Variants in STRBP observed in about 807,000 individuals in gnomAD.
The protein encoded by STRBP is spermatid perinuclear RNA-binding protein.
In STRBP, 13 loss-of-function variants were observed where a neutral mutation model predicts 80.1. The ratio of observed to expected loss-of-function variants is 0.16; its 90% CI spans 0.11 to 0.26. The LOEUF (loss-of-function observed/expected upper bound fraction) is 0.26. STRBP is among the 10% of genes least tolerant of loss of function. The pLI, the probability that STRBP is intolerant of heterozygous loss-of-function variation, is 1.00. For synonymous variants in STRBP, 284 were observed against 291.2 expected, an observed-to-expected ratio of 0.98 and a Z score of 0.25; for missense variants, 485 against 815.2, an observed-to-expected ratio of 0.59 and a Z score of 4.93.
At chr9:123,162,412 C>T (rs1038854062) in intron 6 of STRBP, among the ~76,000 whole-genome samples, 1 of 151,894 alleles carries the variant, frequency 6.6e-6, no homozygotes, top group Non-Finnish European at 1.5e-5. Context: ...GATATGGGAT[C>T]TCACTATGTT....
At chr9:123,204,936 A>AG (rs1316550964) in intron 2 of STRBP, among the ~76,000 whole-genome samples, 1 of 150,494 alleles carries the variant, frequency 6.6e-6, no homozygotes, top group East Asian at 2.0e-4. Context: ...AAAAAAAAAA[A>AG]AAAAAGAAAG....
At chr9:123,198,097 A>T (rs2039171817) in intron 2 of STRBP, among the ~76,000 whole-genome samples, 1 of 152,024 alleles carries the variant, frequency 6.6e-6, no homozygotes. Context: ...GGCCATTTAT[A>T]TATTTTCTTT....
chr9:123,226,137 C>T (rs546811251), intron 2 of STRBP, among the ~76,000 whole-genome samples: 2 of 152,210 alleles, frequency 1.3e-5, no homozygotes, highest in African/African-American at 2.4e-5. Flanking sequence ...AGATGCATCT[C>T]GAAAGCACAG....
chr9:123,233,435 T>G (rs2040454810), intron 2 of STRBP, among the ~76,000 whole-genome samples: 1 of 152,190 alleles, frequency 6.6e-6, no homozygotes, highest in Non-Finnish European at 1.5e-5. Flanking sequence ...CAGCTAATTA[T>G]ATGTATGTCA....
chr9:123,237,528 C>A (rs1280129244), intron 1 of STRBP, among the ~76,000 whole-genome samples: 1 of 152,016 alleles, frequency 6.6e-6, no homozygotes, highest in Non-Finnish European at 1.5e-5. Flanking sequence ...TTTCACCTCA[C>A]TTGCTTAAGA....
chr9:123,146,985 T>C lies in STRBP; in HGVS notation c.1208A>G (p.Gln403Arg). The change falls in exon 13 of 19, where the codon CAG becomes CGG. Residue 403 changes from glutamine (Q) to arginine (R), a missense_variant. Physicochemically the swap from Gln to Arg is conservative, Grantham distance 43. Around this residue, in one of 3 missense-constraint regions of STRBP, gnomAD observed 377 missense variants for 616.1 expected, o/e 0.61. Transcript: ENST00000348403. The part of the protein sequence containing the change: ...MRLNQIRPGL[Q>R]YKLLSQSGPV... ...GCCAGACTGAGATAGGAGCTTATAC[T>C]GAAGCCCAGGCCTGATCTGATTTAG... The C allele has an allele frequency of 6.2e-7, 1 of 1,614,138 alleles. No homozygotes were observed. The highest frequency in any genetic ancestry group is 8.5e-7 in the Non-Finnish European group (1 of 1,180,000).
chr9:123,217,124 T>C (rs753591841), intron 2 of STRBP, among the ~76,000 whole-genome samples: 3 of 152,130 alleles, frequency 2.0e-5, no homozygotes, highest in African/African-American at 4.8e-5. Flanking sequence ...GTATTACATA[T>C]AAATACAAAC....
At chr9:123,261,163 C>T (rs1224506031) in intron 1 of STRBP, among the ~76,000 whole-genome samples, 2 of 152,164 alleles carry the variant, frequency 1.3e-5, no homozygotes, top group Non-Finnish European at 2.9e-5. Context: ...ACCCATACTC[C>T]ACCCAGTGCC....
chr9:123,111,796 A>G (rs2132272974), intron 3 of STRBP: 1 of 321,442 alleles, frequency 3.1e-6, no homozygotes, highest in Non-Finnish European at 6.4e-6. Context: ...TCCTTCTTAG[A>G]GCTGTACCAT....
intron 3 of STRBP, among the ~76,000 whole-genome samples, chr9:123,181,207 A>G (rs1400613968): frequency 6.6e-6 from 1 of 152,230 alleles, no homozygotes; most frequent in African/African-American, 2.4e-5. Context: ...CAACTGGTGC[A>G]GTTTGCCACA....
rs542456461 is a variant in STRBP, at chr9:123,158,036, A to G, written c.1021T>C (p.Ser341Pro). Reference sequence around the variant, plus strand: ...CCTTCTTTATCAGTAACTGACCAGGAATACTTCTGAAAAGGCTTACTAGAT... The same window carrying G: ...CCTTCTTTATCAGTAACTGACCAGGGATACTTCTGAAAAGGCTTACTAGAT... ...LPSSKPFQKYSWSVTDKEGAG... is the reference protein window; with the variant it reads ...LPSSKPFQKYPWSVTDKEGAG... Residue 341 changes from serine (S) to proline (P), a missense_variant, in exon 11 of 19, where the codon TCC (serine) becomes CCC (proline). Physicochemically the swap from Ser to Pro is moderately conservative, Grantham distance 74 (BLOSUM62 -1). Around this residue, in one of 3 missense-constraint regions of STRBP, gnomAD observed 377 missense variants for 616.1 expected, o/e 0.61. Coordinates refer to ENST00000348403, the MANE Select transcript of STRBP (RefSeq NM_018387.5). 5.0e-6 allele frequency: 8 copies of G among 1,610,584 alleles called. No individual in the cohort carries two copies. In the South Asian group the frequency reaches 6.6e-5, roughly 13 times the overall value.
chr9:123,225,783 T>C (rs1002115665), intron 2 of STRBP, among the ~76,000 whole-genome samples: 7 of 152,232 alleles, frequency 4.6e-5, no homozygotes, highest in Non-Finnish European at 8.8e-5. Flanking sequence ...CCTAACACCC[T>C]GTTCATAAGT....
At chr9:123,201,951 A>C (rs1302153586) in intron 2 of STRBP, among the ~76,000 whole-genome samples, 1 of 152,166 alleles carries the variant, frequency 6.6e-6, no homozygotes, top group Non-Finnish European at 1.5e-5. Flanking sequence ...ATAACTTTAG[A>C]ATTGTAATAT....
At position 123,124,071 on chromosome 9, in the gene STRBP, G is replaced by A; in HGVS notation, c.*1526C>T. 2.0e-6 allele frequency: 2 copies of A among 985,432 alleles called. No individual in the cohort carries two copies. The highest frequency in any genetic ancestry group is 1.2e-6 in the Non-Finnish European group (1 of 829,930). 61.0% of individuals were successfully genotyped at this position (985,432 alleles called of 1,614,324 possible). A position where few individuals can be genotyped will look rare whatever the true frequency, so the allele number is the denominator to read the frequency against. On this transcript the variant is annotated 3_prime_UTR_variant, in exon 19 of 19. Coordinates refer to ENST00000348403, the MANE Select transcript of STRBP (RefSeq NM_018387.5). ...TCATTGTGTAATATATATCTGAGAAGTGACACTAACATTTGTTGTACATTG... is the reference window on the plus strand; with the variant it reads ...TCATTGTGTAATATATATCTGAGAAATGACACTAACATTTGTTGTACATTG...
At chr9:123,220,140 G>A (rs551625788) in intron 2 of STRBP, among the ~76,000 whole-genome samples, 4 of 152,288 alleles carry the variant, frequency 2.6e-5, no homozygotes, top group African/African-American at 9.6e-5. Flanking sequence ...AAGCATATGG[G>A]TAAATCTAAG....
At chr9:123,160,532 A>C (rs2037480037) in intron 7 of STRBP, 70 bp from the exon 8 acceptor site, 1 of 1,202,198 alleles carries the variant, frequency 8.3e-7, no homozygotes, top group Non-Finnish European at 1.1e-6. Context: ...AGTTCTTTCA[A>C]GTGAATACTA....
intron 18 of STRBP, among the ~76,000 whole-genome samples, chr9:123,127,137 C>G (rs1282184615): frequency 6.6e-6 from 1 of 152,200 alleles, no homozygotes; most frequent in Non-Finnish European, 1.5e-5. Flanking sequence ...AGGATATAAA[C>G]TATTTTAATG....
chr9:123,110,788 T>C lies in STRBP; in HGVS notation c.*85-1035A>G, dbSNP rs1441571242. 5.9e-6 allele frequency: 1 copy of C among 169,122 alleles called. No homozygotes were observed. The highest frequency in any genetic ancestry group is 2.4e-5 in the African/African-American group (1 of 41,474). 10.5% of individuals were successfully genotyped at this position (169,122 alleles called of 1,614,324 possible). ...TACAATTTGGCTCCCCAGTAACATTTCTAAAAATGAGCCCTCCTCCCTCGG... is the reference window on the plus strand; with the variant it reads ...TACAATTTGGCTCCCCAGTAACATTCCTAAAAATGAGCCCTCCTCCCTCGG... On this transcript the variant is annotated intron_variant and NMD_transcript_variant, in intron 3 of 3. Transcript: ENST00000471564. The surrounding 1 kb of genome is among the most constrained non-coding windows in gnomAD (Gnocchi z 4.1).
At position 123,123,698 on chromosome 9, in the gene STRBP, G is replaced by T; in HGVS notation, c.*1899C>A. ...AGAAATATCTAGAGATTCCAACGTG[G>T]AATCCAAATTTGATGACCAATTTCA... On this transcript the variant is annotated 3_prime_UTR_variant, in exon 19 of 19. Coordinates refer to ENST00000348403, the MANE Select transcript of STRBP (RefSeq NM_018387.5). The T allele has an allele frequency of 1.0e-6, 1 of 985,348 alleles. No homozygotes were observed. Among genetic ancestry groups the T allele is most frequent in the Non-Finnish European group, 1.2e-6 (1 of 829,922 alleles). The allele number at this position is 985,348 out of a possible 1,614,324, so 61.0% of individuals were successfully genotyped here.
Sources: gnomAD v4.1 joint callset for allele counts (sites outside exome capture counted in the v4.1 genomes callset) on GRCh38, gnomAD v4.1.1 for gene constraint, gnomAD v4.1.1 regional missense constraint, Gnocchi (gnomAD v3.1) non-coding constraint, MANE v1.5 for transcripts, NCBI Gene and HGNC (gene_info 2026-07-23, HGNC 2026-07-21) for gene names.